The following PTPRE variants were observed in gnomAD, a reference collection of about 807,000 sequenced individuals.
The protein encoded by PTPRE is receptor-type tyrosine-protein phosphatase epsilon.
PTPRE carries 51 observed loss-of-function variants against 102.0 expected under a neutral mutation model. That is an observed-to-expected ratio of 0.50 (90% CI 0.40 to 0.63). The LOEUF is 0.63. Among genes scored for constraint, PTPRE ranks in the 30% least tolerant of loss-of-function variants. PTPRE has a pLI of 0.00. For missense variants in PTPRE, 752 were observed against 915.1 expected (o/e 0.82, Z 2.30); for synonymous variants, 345 against 348.2 (o/e 0.99, Z 0.10).
rs111695995 is a variant in PTPRE, at chr10:128,080,433, G to T, written c.2028+738G>T. Among the ~76,000 whole-genome samples the T allele has an allele frequency of 4.6e-5, 7 of 152,256 alleles. No individual in the cohort carries two copies. The East Asian group carries it at 1.4e-3, about 29-fold the overall frequency. On this transcript the variant is annotated intron_variant, in intron 20 of 20. Coordinates refer to ENST00000254667, the MANE Select transcript of PTPRE (RefSeq NM_006504.6). Reference sequence around the variant, plus strand: ...AGAGGCAGGAAGGAGGCCCTTCTACGTCCCCCTCACAGCAAGGCGCAGCAG... The same window carrying T: ...AGAGGCAGGAAGGAGGCCCTTCTACTTCCCCCTCACAGCAAGGCGCAGCAG...
chr10:128,010,545 C>CCTTTTCTTTTCTTCTCTTTTCTTTT, intron 2 of PTPRE, among the ~76,000 whole-genome samples: 1 of 128,330 alleles, frequency 7.8e-6, no homozygotes, highest in East Asian at 2.2e-4. Flanking sequence ...AAACCCTGTT[C>CCTTTTCTTTTCTTCTCTTTTCTTTT]CTTTTCTTTT....
At chr10:127,950,752 G>A (rs972469111) in intron 1 of PTPRE, among the ~76,000 whole-genome samples, 4 of 152,120 alleles carry the variant, frequency 2.6e-5, no homozygotes, top group African/African-American at 9.7e-5. Flanking sequence ...CAATCAAAAT[G>A]GTCTGACTCG....
intron 1 of PTPRE, among the ~76,000 whole-genome samples, chr10:127,940,902 G>C (rs114941398): frequency 6.6e-6 from 1 of 152,196 alleles, no homozygotes; most frequent in South Asian, 2.1e-4. Flanking sequence ...TGCAGGCAGG[G>C]TTGTACCTTC....
intron 2 of PTPRE, among the ~76,000 whole-genome samples, chr10:128,020,100 G>A (rs917375573): frequency 1.3e-5 from 2 of 152,054 alleles, no homozygotes; most frequent in Non-Finnish European, 2.9e-5. Flanking sequence ...GCTGGACACA[G>A]GGCTGTGGCG....
At chr10:127,974,892 C>T (rs1851029860) in intron 1 of PTPRE, among the ~76,000 whole-genome samples, 1 of 139,504 alleles carries the variant, frequency 7.2e-6, no homozygotes, top group Non-Finnish European at 1.7e-5. Flanking sequence ...CATACCTCCC[C>T]ACCTCATAGG....
intron 5 of PTPRE, among the ~76,000 whole-genome samples, chr10:128,048,535 A>G (rs978399501): frequency 5.3e-5 from 8 of 152,194 alleles, no homozygotes; most frequent in African/African-American, 1.9e-4. Context: ...ACGGACCCTT[A>G]GATCATTAAA....
At chr10:128,040,617 G>A (rs1426926715) in intron 2 of PTPRE, among the ~76,000 whole-genome samples, 1 of 152,076 alleles carries the variant, frequency 6.6e-6, no homozygotes, top group Admixed American at 6.5e-5. Flanking sequence ...TCCCTGATCT[G>A]CCCCCACTAA....
intron 1 of PTPRE, chr10:127,964,870 C>A: frequency 2.6e-6 from 1 of 389,578 alleles, no homozygotes; most frequent in South Asian, 1.9e-5. Context: ...AAGCCGAGCT[C>A]ATCAGCGGGC....
intron 2 of PTPRE, among the ~76,000 whole-genome samples, chr10:128,038,829 G>T (rs1291200718): frequency 2.0e-5 from 3 of 152,104 alleles, no homozygotes. Context: ...TATAAAAAAT[G>T]GGGACAGACC....
chr10:128,011,585 G>T (rs747458474), intron 2 of PTPRE, among the ~76,000 whole-genome samples: 1 of 152,260 alleles, frequency 6.6e-6, no homozygotes, highest in Non-Finnish European at 1.5e-5. Flanking sequence ...CCCGTAGCCC[G>T]ACCCCATCCC....
intron 2 of PTPRE, among the ~76,000 whole-genome samples, chr10:128,010,585 T>TCTTTTCTTTTCTTTC (rs1309739389): frequency 6.6e-6 from 1 of 151,032 alleles, no homozygotes; most frequent in African/African-American, 2.5e-5. Context: ...TCTTTTCTTT[T>TCTTTTCTTTTCTTTC]CTTTTCTTTC....
At chr10:127,930,210 C>CT (rs1486785940) in intron 1 of PTPRE, among the ~76,000 whole-genome samples, 9 of 152,120 alleles carry the variant, frequency 5.9e-5, no homozygotes, top group African/African-American at 2.2e-4. Context: ...ACCAGTAACA[C>CT]TATCGAGACA....
chr10:128,031,687 G>T (rs933468492), intron 2 of PTPRE, among the ~76,000 whole-genome samples: 2 of 152,216 alleles, frequency 1.3e-5, no homozygotes, highest in African/African-American at 4.8e-5. Flanking sequence ...CCATCAGTCG[G>T]ACCTGAGCAA....
intron 3 of PTPRE, among the ~76,000 whole-genome samples, chr10:128,045,002 T>C (rs1464269078): frequency 6.6e-6 from 1 of 152,210 alleles, no homozygotes; most frequent in Non-Finnish European, 1.5e-5. Context: ...AACTCAGAAG[T>C]AGCCATCCCT....
chr10:128,062,575 G>T (rs184696750), intron 9 of PTPRE, among the ~76,000 whole-genome samples: 1 of 152,210 alleles, frequency 6.6e-6, no homozygotes, highest in Admixed American at 6.5e-5. Flanking sequence ...CAAAATAGCC[G>T]CAGCTCAGAC....
chr10:128,060,640 G>T (rs1210860714), intron 7 of PTPRE, among the ~76,000 whole-genome samples: 1 of 152,138 alleles, frequency 6.6e-6, no homozygotes, highest in Non-Finnish European at 1.5e-5. Context: ...TGCTATTCTT[G>T]CTATGTAATG....
chr10:127,974,829 C>T (rs1851021644), intron 1 of PTPRE, among the ~76,000 whole-genome samples: 1 of 152,204 alleles, frequency 6.6e-6, no homozygotes, highest in African/African-American at 2.4e-5. Context: ...GCCACAGATG[C>T]TCTGTCTTTG....
intron 2 of PTPRE, among the ~76,000 whole-genome samples, chr10:127,993,264 A>G (rs1852869185): frequency 6.6e-6 from 1 of 152,240 alleles, no homozygotes; most frequent in Non-Finnish European, 1.5e-5. Context: ...TGAGAAATGA[A>G]AAGTCAAGTT....
chr10:127,977,722 G>T (rs955702405), intron 1 of PTPRE, among the ~76,000 whole-genome samples: 1 of 152,228 alleles, frequency 6.6e-6, no homozygotes, highest in African/African-American at 2.4e-5. Context: ...TCCATATCTT[G>T]TGAGTAATCA....
Sources: gnomAD v4.1 joint callset for allele counts (sites outside exome capture counted in the v4.1 genomes callset) on GRCh38, gnomAD v4.1.1 for gene constraint, MANE v1.5 for transcripts, NCBI Gene and HGNC (gene_info 2026-07-23, HGNC 2026-07-21) for gene names.